The following EEA1 variants were observed in gnomAD, a reference collection of about 807,000 sequenced individuals.
EEA1 encodes the protein early endosome antigen 1, also known as early endosome antigen 1, 162kD.
In EEA1, 111 loss-of-function variants were observed where a neutral mutation model predicts 209.2. The ratio of observed to expected loss-of-function variants is 0.53; its 90% CI spans 0.45 to 0.62. The LOEUF is 0.62. Among genes scored for constraint, EEA1 ranks in the 20% least tolerant of loss-of-function variants. EEA1 has a pLI of 0.00. For missense variants in EEA1, 1,343 were observed against 1,530.8 expected, an observed-to-expected ratio of 0.88 and a Z score of 2.05; for synonymous variants, 536 against 540.6, an observed-to-expected ratio of 0.99 and a Z score of 0.12.
At chr12:92,817,618 C>G (rs926399793) in intron 14 of EEA1, among the ~76,000 whole-genome samples, 6 of 152,180 alleles carry the variant, frequency 3.9e-5, no homozygotes, top group African/African-American at 1.4e-4. Flanking sequence ...GTGACTCCAT[C>G]ATCTCTTACT....
At chr12:92,884,486 A>T (rs1175777597) in intron 2 of EEA1, 9 of 1,495,434 alleles carry the variant, frequency 6.0e-6, no homozygotes, top group Non-Finnish European at 9.2e-7. Flanking sequence ...TGGATTTGGT[A>T]ATGATGGAAG....
At position 92,809,118 on chromosome 12, in the gene EEA1, C is replaced by CTTGCT; in HGVS notation, c.2233_2237dup (p.Glu747AlafsTer15). The CTTGCT allele has an allele frequency of 6.3e-7, 1 of 1,598,998 alleles. No individual in the cohort carries two copies. The highest frequency in any genetic ancestry group is 8.5e-7 in the Non-Finnish European group (1 of 1,172,212). On this transcript the variant is annotated frameshift_variant, in exon 18 of 29. Coordinates refer to ENST00000322349, the MANE Select transcript of EEA1 (RefSeq NM_003566.4). LOFTEE classifies it high-confidence loss of function. ...GTTGTAGATCTTGCAAAGCCTGCTC[C>CTTGCT]TTGCTTGCTTTAACTTCAAGACTAT...
chr12:92,886,493 G>A (rs1366626005), intron 2 of EEA1, among the ~76,000 whole-genome samples: 1 of 53,276 alleles, frequency 1.9e-5, no homozygotes, highest in African/African-American at 8.1e-5. Context: ...GGAGGAGAGG[G>A]GAGGGGAGGG....
At chr12:92,821,880 T>G (rs1480929104) in intron 13 of EEA1, among the ~76,000 whole-genome samples, 1 of 150,008 alleles carries the variant, frequency 6.7e-6, no homozygotes, top group Non-Finnish European at 1.5e-5. Context: ...AATATAAATC[T>G]ATATTATTAT....
intron 1 of EEA1, among the ~76,000 whole-genome samples, chr12:92,924,438 A>T (rs1158541410): frequency 6.6e-6 from 1 of 151,940 alleles, no homozygotes; most frequent in African/African-American, 2.4e-5. Context: ...CAAACTCCTG[A>T]CCTCAGGTGA....
At chr12:92,804,089 T>C (rs984341861) in intron 18 of EEA1, among the ~76,000 whole-genome samples, 4 of 152,064 alleles carry the variant, frequency 2.6e-5, no homozygotes, top group African/African-American at 9.7e-5. Context: ...GAGGAACAAA[T>C]TGGCAAGAAT....
At chr12:92,798,696 G>A (rs1874761977) in intron 21 of EEA1, among the ~76,000 whole-genome samples, 196 bp downstream of exon 21, 2 of 151,426 alleles carry the variant, frequency 1.3e-5, no homozygotes, top group Admixed American at 6.6e-5. Context: ...TATCTGACAA[G>A]AGAGTTATAG....
At chr12:92,859,946 G>C (rs1046519471) in intron 3 of EEA1, among the ~76,000 whole-genome samples, 2 of 152,136 alleles carry the variant, frequency 1.3e-5, no homozygotes, top group Non-Finnish European at 2.9e-5. Flanking sequence ...TGTAACGCAA[G>C]TTCCCAGTTG....
Position 92,857,479 on chromosome 12 carries a change from A to C in EEA1, c.252T>G (p.Asp84Glu). ...GESNLALKRDDVTLLRQEVQD... is the reference protein window; with the variant it reads ...GESNLALKRDEVTLLRQEVQD... ...GGACCTCTTGTCTGAGCAGTGTTAC[A>C]TCATCTCTAAATAAAAATGGGAGGA... is the stretch of plus-strand genomic sequence containing the variant. The change falls in exon 4 of 29, where the codon GAT becomes GAG. Residue 84 changes from aspartate (D) to glutamate (E), a missense_variant. This residue lies in a region of EEA1 where 1,307 missense variants were observed against 1,465.5 expected (regional missense o/e 0.89). Transcript: ENST00000322349. 6.4e-7 allele frequency: 1 copy of C among 1,572,406 alleles called. No homozygotes were observed. Among genetic ancestry groups the C allele is most frequent in the South Asian group, 1.2e-5 (1 of 81,372 alleles).
At chr12:92,844,568 C>G (rs1270162969) in intron 9 of EEA1, among the ~76,000 whole-genome samples, 1 of 152,064 alleles carries the variant, frequency 6.6e-6, no homozygotes, top group African/African-American at 2.4e-5. Context: ...TTAAACTGAA[C>G]ATGTAACCTT....
chr12:92,801,933 A>G (rs952808093), intron 19 of EEA1, among the ~76,000 whole-genome samples: 1 of 151,982 alleles, frequency 6.6e-6, no homozygotes, highest in African/African-American at 2.4e-5. Flanking sequence ...ACAATGGCAT[A>G]TTTTAAACAT....
intron 19 of EEA1, 46 bp from the exon 20 acceptor site, chr12:92,801,747 A>G (rs1247138093): frequency 7.5e-7 from 1 of 1,336,398 alleles, no homozygotes; most frequent in Non-Finnish European, 1.0e-6. Context: ...ATTTGTAATA[A>G]CCTTAAGAAG....
Position 92,832,856 on chromosome 12 carries a change from A to G in EEA1, c.916-6T>C, listed in dbSNP as rs755962575. On this transcript the variant is annotated splice_region_variant and splice_polypyrimidine_tract_variant and intron_variant, in intron 10 of 28. Transcript: ENST00000322349. ...AGCAAGTTTTCTGTCAAGGTCTAAA[A>G]TATCAATTTAACAATTTATTTCCTT... is the stretch of plus-strand genomic sequence containing the variant. The G allele has an allele frequency of 1.3e-6, 2 of 1,570,804 alleles. No individual in the cohort carries two copies. Among genetic ancestry groups the G allele is most frequent in the South Asian group, 1.2e-5 (1 of 84,336 alleles).
rs116037499 is a variant in EEA1 at position 92,780,577 on chromosome 12, T to C, written c.3337-166A>G. On this transcript the variant is annotated intron_variant, in intron 23 of 28. Coordinates refer to ENST00000322349, the MANE Select transcript of EEA1 (RefSeq NM_003566.4). ...TGGTTCTTGGCTGTTTCCTTATTTA[T>C]ACAGTGTGAACAATAATAAAATAAT... Among the ~76,000 whole-genome samples the C allele has an allele frequency of 4.0e-3, 603 of 152,326 alleles. 4 individuals are homozygous for C. Among genetic ancestry groups the C allele is most frequent in the African/African-American group, 0.014 (567 of 41,586 alleles).
rs375743156 is a variant in EEA1, at chr12:92,811,303, G to A, written c.2175C>T (p.Thr725=). 62 of 1,567,312 alleles carry A rather than the reference G, an allele frequency of 4.0e-5. No individual in the cohort carries two copies. The highest frequency in any genetic ancestry group is 7.6e-5 in the Admixed American group (4 of 52,290). ...KEKYLSLEQK[T]EELEGQIKKL... is the part of the protein sequence containing the mutation. ...CCTTAATTTGACCTTCTAGCTCTTC[G>A]GTTTTCTGTTCTAAAGAGAGGTATT... is the stretch of plus-strand genomic sequence containing the variant. The change falls in exon 17 of 29, where the codon ACC becomes ACT. Residue 725 remains threonine (T), a synonymous_variant. Transcript: ENST00000322349.
Position 92,778,118 on chromosome 12 carries a change from A to G in EEA1, c.3716T>C (p.Leu1239Pro). 1 of 1,613,374 alleles carries G rather than the reference A, an allele frequency of 6.2e-7. No homozygotes were observed. The highest frequency in any genetic ancestry group is 1.1e-5 in the South Asian group (1 of 91,052). Reference sequence around the variant, plus strand: ...ATTTAATGCTGTAATCTGCATGGTAAGTTTAGCCTCATTTTCTTCATGCTT... The same window carrying G: ...ATTTAATGCTGTAATCTGCATGGTAGGTTTAGCCTCATTTTCTTCATGCTT... ...MKKHEENEAK[L>P]TMQITALNEN... Residue 1239 changes from leucine to proline, a missense_variant, in exon 26 of 29, where the codon CTT (leucine) becomes CCT (proline). Coordinates refer to ENST00000322349, the MANE Select transcript of EEA1 (RefSeq NM_003566.4).
At chr12:92,864,211 A>C (rs1198268307) in intron 3 of EEA1, among the ~76,000 whole-genome samples, 3 of 152,178 alleles carry the variant, frequency 2.0e-5, no homozygotes, top group Admixed American at 2.0e-4. Context: ...GTTACAGCAG[A>C]TTAATCAACC....
intron 9 of EEA1, among the ~76,000 whole-genome samples, chr12:92,847,510 A>AT (rs1194058445): frequency 6.6e-6 from 1 of 152,168 alleles, no homozygotes; most frequent in Non-Finnish European, 1.5e-5. Context: ...GTAATTAGTA[A>AT]TTTTTTTCAT....
intron 9 of EEA1, 99 bp from the exon 10 acceptor site, chr12:92,842,680 G>T (rs570142433): frequency 3.4e-5 from 25 of 741,534 alleles, no homozygotes; most frequent in African/African-American, 2.8e-4. Flanking sequence ...CAAATTTTTT[G>T]TTGTTGGAAT....
Sources: gnomAD v4.1 joint callset for allele counts (sites outside exome capture counted in the v4.1 genomes callset) on GRCh38, gnomAD v4.1.1 for gene constraint, gnomAD v4.1.1 regional missense constraint, MANE v1.5 for transcripts, NCBI Gene and HGNC (gene_info 2026-07-23, HGNC 2026-07-21) for gene names.